The following ADAMTS19 variants were observed in gnomAD, a reference collection of about 807,000 sequenced individuals.
ADAMTS19 encodes the protein ADAM metallopeptidase with thrombospondin type 1 motif 19.
Under a neutral mutation model 153.3 loss-of-function variants are expected in ADAMTS19, and 93 were observed. The ratio of observed to expected loss-of-function variants is 0.61; its 90% CI spans 0.51 to 0.72. The LOEUF (loss-of-function observed/expected upper bound fraction) is 0.72, where lower values mean the gene tolerates loss of function less well. ADAMTS19 is among the 30% of genes least tolerant of loss of function. ADAMTS19 has a pLI of 0.00. For synonymous variants in ADAMTS19, 600 were observed against 556.6 expected (o/e 1.08, Z -1.10); for missense variants, 1,482 against 1,552.1 (o/e 0.95, Z 0.76).
chr5:129,492,122 A>G (rs1750788679), intron 2 of ADAMTS19, among the ~76,000 whole-genome samples: 1 of 152,226 alleles, frequency 6.6e-6, no homozygotes, highest in African/African-American at 2.4e-5. Flanking sequence ...GAAACTTACA[A>G]TCATGGCAGA....
intron 17 of ADAMTS19, among the ~76,000 whole-genome samples, chr5:129,681,223 G>GCATA (rs1333128273): frequency 6.6e-6 from 1 of 152,170 alleles, no homozygotes; most frequent in Non-Finnish European, 1.5e-5. Flanking sequence ...TTACTAAAAT[G>GCATA]CATAGTCTGA....
intron 8 of ADAMTS19, among the ~76,000 whole-genome samples, chr5:129,615,218 C>T (rs926588826): frequency 1.3e-5 from 2 of 151,964 alleles, no homozygotes; most frequent in Non-Finnish European, 2.9e-5. Flanking sequence ...AAAAAGAGCC[C>T]ACATTGCCAA....
chr5:129,702,969 T>TATATATATATATATATATATATATAC (rs1755979576), intron 20 of ADAMTS19, among the ~76,000 whole-genome samples: 1 of 132,688 alleles, frequency 7.5e-6, no homozygotes, highest in Non-Finnish European at 1.5e-5. Flanking sequence ...TATATATATA[T>TATATATATATATATATATATATATAC]ATACAAATAC....
chr5:129,617,080 T>A (rs1751565605), intron 8 of ADAMTS19, among the ~76,000 whole-genome samples: 1 of 152,040 alleles, frequency 6.6e-6, no homozygotes, highest in Non-Finnish European at 1.5e-5. Flanking sequence ...GATATCATTG[T>A]CAGTGGTTAA....
intron 21 of ADAMTS19, among the ~76,000 whole-genome samples, chr5:129,707,392 T>C (rs1411376751): frequency 6.6e-6 from 1 of 152,212 alleles, no homozygotes; most frequent in African/African-American, 2.4e-5. Flanking sequence ...TGAATATAAG[T>C]GCTTTTTTCC....
At chr5:129,654,478 A>G (rs1753457696) in intron 14 of ADAMTS19, 45 bp downstream of exon 14, 1 of 1,586,414 alleles carries the variant, frequency 6.3e-7, no homozygotes, top group East Asian at 2.2e-5. Context: ...TTGAAGGAAA[A>G]TTGTGGGACC....
At chr5:129,512,738 A>G (rs570861328) in intron 3 of ADAMTS19, among the ~76,000 whole-genome samples, 8 of 152,140 alleles carry the variant, frequency 5.3e-5, no homozygotes, top group East Asian at 3.9e-4. Flanking sequence ...TACCTGATCT[A>G]TCTACCACTC....
intron 13 of ADAMTS19, among the ~76,000 whole-genome samples, chr5:129,652,417 G>A (rs1170596768): frequency 6.6e-6 from 1 of 152,190 alleles, no homozygotes; most frequent in East Asian, 1.9e-4. Context: ...TATTTTTAGA[G>A]AAAAGACATG....
chr5:129,645,509 A>G (rs1013930613), intron 11 of ADAMTS19, among the ~76,000 whole-genome samples: 2 of 152,208 alleles, frequency 1.3e-5, no homozygotes, highest in African/African-American at 2.4e-5. Context: ...ACTATGCTGT[A>G]GTACTTTCTT....
chr5:129,480,944 C>A (rs1750385704), intron 2 of ADAMTS19, among the ~76,000 whole-genome samples: 1 of 151,970 alleles, frequency 6.6e-6, no homozygotes, highest in South Asian at 2.1e-4. Flanking sequence ...AAAAATAATT[C>A]ATTATAAAAG....
At chr5:129,726,034 C>T (rs1757197341) in intron 21 of ADAMTS19, among the ~76,000 whole-genome samples, 1 of 152,084 alleles carries the variant, frequency 6.6e-6, no homozygotes. Context: ...CATCAACTTT[C>T]CTTGTGTCTT....
intron 21 of ADAMTS19, among the ~76,000 whole-genome samples, chr5:129,730,842 T>C (rs890874588): frequency 6.6e-6 from 1 of 152,168 alleles, no homozygotes; most frequent in Non-Finnish European, 1.5e-5. Context: ...TGGTTTAATT[T>C]ATAAATATTG....
intron 2 of ADAMTS19, among the ~76,000 whole-genome samples, chr5:129,464,428 C>T (rs1161032141): frequency 2.0e-5 from 3 of 152,192 alleles, no homozygotes; most frequent in Admixed American, 1.3e-4. Context: ...GGAAAGCTTT[C>T]TTATTGTCAG....
At chr5:129,711,161 C>A (rs1361208569) in intron 21 of ADAMTS19, among the ~76,000 whole-genome samples, 1 of 152,052 alleles carries the variant, frequency 6.6e-6, no homozygotes, top group East Asian at 1.9e-4. Flanking sequence ...TGAAAGGATA[C>A]TTATTTAAAT....
At chr5:129,479,720 A>G (rs1033650818) in intron 2 of ADAMTS19, among the ~76,000 whole-genome samples, 5 of 152,202 alleles carry the variant, frequency 3.3e-5, no homozygotes, top group African/African-American at 1.2e-4. Context: ...AACATGAGAC[A>G]CTTAAACATA....
At chr5:129,646,163 C>G (rs1366369449) in intron 11 of ADAMTS19, among the ~76,000 whole-genome samples, 3 of 151,970 alleles carry the variant, frequency 2.0e-5, no homozygotes, top group Admixed American at 6.6e-5. Flanking sequence ...GCTGGGATTA[C>G]AGGCGTGAGC....
At chr5:129,682,002 C>T (rs1019492753) in intron 17 of ADAMTS19, among the ~76,000 whole-genome samples, 6 of 152,064 alleles carry the variant, frequency 3.9e-5, no homozygotes, top group Non-Finnish European at 7.4e-5. Flanking sequence ...TGTAACCTCC[C>T]CTGTTTTTAT....
At chr5:129,638,298 T>C (rs1752622003) in intron 10 of ADAMTS19, among the ~76,000 whole-genome samples, 1 of 152,182 alleles carries the variant, frequency 6.6e-6, no homozygotes, top group African/African-American at 2.4e-5. Flanking sequence ...CTATTTCTTC[T>C]TGGTTTCACT....
chr5:129,732,704 A>G (rs969097753), intron 21 of ADAMTS19, among the ~76,000 whole-genome samples: 1 of 152,042 alleles, frequency 6.6e-6, no homozygotes, highest in Non-Finnish European at 1.5e-5. Flanking sequence ...CTCATATATT[A>G]TAAGAATCAA....
Sources: allele counts gnomAD v4.1 joint callset (sites outside exome capture counted in the v4.1 genomes callset), GRCh38; gene constraint gnomAD v4.1.1; transcripts MANE v1.5; gene names NCBI Gene and HGNC (gene_info 2026-07-23, HGNC 2026-07-21).